SYTL2: variants seen among roughly 807,000 people sequenced by gnomAD.
SYTL2 encodes synaptotagmin like 2.
A neutral mutation model predicts 198.7 loss-of-function variants in SYTL2; 165 were observed. The observed-to-expected ratio is 0.83, with a 90% CI of 0.73 to 0.94. The LOEUF (loss-of-function observed/expected upper bound fraction) is 0.94, where lower values mean the gene tolerates loss of function less well. Among genes scored for constraint, SYTL2 ranks in the 40% least tolerant of loss-of-function variants. The probability of loss-of-function intolerance (pLI) is 0.00; values close to 1 mark genes in which losing one functional copy is unlikely to be tolerated. For missense variants in SYTL2, 2,835 were observed against 2,582.8 expected (o/e 1.10, Z -2.12); for synonymous variants, 966 against 917.7 (o/e 1.05, Z -0.95).
intron 15 of SYTL2, chr11:85,705,283 G>C (rs1591587483): frequency 6.3e-6 from 2 of 315,686 alleles, no homozygotes; most frequent in East Asian, 1.1e-4. Flanking sequence ...GTTGGTAATA[G>C]CTCTCTAACA....
intron 1 of SYTL2, among the ~76,000 whole-genome samples, chr11:85,764,668 C>A (rs1474020527): frequency 6.6e-6 from 1 of 152,178 alleles, no homozygotes; most frequent in Non-Finnish European, 1.5e-5. Context: ...CATCAGCCCT[C>A]AAGGCATGGC....
intron 1 of SYTL2, among the ~76,000 whole-genome samples, chr11:85,784,343 A>G (rs1178355943): frequency 6.6e-6 from 1 of 152,060 alleles, no homozygotes; most frequent in African/African-American, 2.4e-5. Context: ...GTATTCTCCC[A>G]TTAGGAAACC....
the SYTL2 span, chr11:85,854,139 G>A: frequency 1.3e-5 from 2 of 152,120 alleles, no homozygotes; most frequent in Non-Finnish European, 2.9e-5. Context: ...AGGCGTGAGG[G>A]ATTACAAGCA....
chr11:85,699,702 C>T (rs886772974), intron 17 of SYTL2, among the ~76,000 whole-genome samples: 2 of 152,124 alleles, frequency 1.3e-5, no homozygotes, highest in Non-Finnish European at 1.5e-5. Flanking sequence ...AGTTTACAAC[C>T]TCTGATTTCA....
At chr11:85,830,893 C>G in the SYTL2 span, among the ~76,000 whole-genome samples, 4 of 152,154 alleles carry the variant, frequency 2.6e-5, no homozygotes, top group Non-Finnish European at 5.9e-5. Context: ...AAAAAACTAC[C>G]TACATCCCAA....
Position 85,725,601 on chromosome 11 carries a change from T to C in SYTL2, c.3757A>G (p.Ile1253Val). Residue 1253 changes from isoleucine to valine, a missense_variant, in exon 8 of 20, where the codon ATA (isoleucine) becomes GTA (valine). By Grantham distance (29) the Ile-to-Val change is conservative. Coordinates refer to ENST00000359152, the MANE Select transcript of SYTL2 (RefSeq NM_206927.4). ...GCTGAAGTATTGTGACTCTGTTCTA[T>C]CCCTTTTCCAAAAAATCTCCCCTCT... is the stretch of plus-strand genomic sequence containing the variant. ...LEEGRFFGKG[I>V]EQSHNTSADK... 2.5e-6 allele frequency: 4 copies of C among 1,614,114 alleles called. No homozygotes were observed. Among genetic ancestry groups the C allele is most frequent in the Non-Finnish European group, 3.4e-6 (4 of 1,179,988 alleles).
Position 85,711,545 on chromosome 11 carries a change from A to G in SYTL2, c.5626-313T>C, listed in dbSNP as rs543525864. Among the ~76,000 whole-genome samples, 63 of 152,326 alleles carry G rather than the reference A, an allele frequency of 4.1e-4. 1 individual carries two copies. The South Asian group carries it at 0.012, about 29-fold the overall frequency. ...TTTCTTGCCAGTCTTTTAATATTAT[A>G]TATTTATTTGCCTGGGGAACTCTAT... On this transcript the variant is annotated intron_variant, in intron 12 of 19. Coordinates refer to ENST00000359152, the MANE Select transcript of SYTL2 (RefSeq NM_206927.4).
At position 85,700,425 on chromosome 11, in the gene SYTL2, AG is replaced by A. The variant is rs770906598; in HGVS notation, c.6268+89del. On this transcript the variant is annotated intron_variant, in intron 17 of 19. Coordinates refer to ENST00000359152, the MANE Select transcript of SYTL2 (RefSeq NM_206927.4). ...CGTTACTAACTTGATAAGTTTCTTTAGGGCCTCACCTTTGAAAACGCATAGT... is the reference window on the plus strand; with the variant it reads ...CGTTACTAACTTGATAAGTTTCTTTAGGCCTCACCTTTGAAAACGCATAGT... 9.0e-4 allele frequency: 872 copies of A among 971,468 alleles called. 1 individual carries two copies. The highest frequency in any genetic ancestry group is 1.2e-3 in the Non-Finnish European group (750 of 617,666). The allele number at this position is 971,468 out of a possible 1,614,324, so 60.2% of individuals were successfully genotyped here.
chr11:85,817,092 G>A, the SYTL2 span, among the ~76,000 whole-genome samples: 2 of 152,290 alleles, frequency 1.3e-5, no homozygotes, highest in African/African-American at 4.8e-5. Context: ...TCTGTGTAGT[G>A]ACTCTTACTA....
chr11:85,831,427 A>T, the SYTL2 span, among the ~76,000 whole-genome samples: 1 of 152,242 alleles, frequency 6.6e-6, no homozygotes, highest in Admixed American at 6.5e-5. Flanking sequence ...CTCAAAGAGA[A>T]AAACCCATCT....
chr11:85,727,732 G>C lies in SYTL2; in HGVS notation c.1626C>G (p.Pro542=). ...TTTTTTCTTTGGACTCTATTCCTCGGGGATGTTGGAGGAATGACTTATTGT... is the reference window on the plus strand; with the variant it reads ...TTTTTTCTTTGGACTCTATTCCTCGCGGATGTTGGAGGAATGACTTATTGT... ...SDDNKSFLQH[P]RGIESKEKTD... The change falls in exon 8 of 20, where the codon CCC becomes CCG. Residue 542 remains proline (P), a synonymous_variant. Coordinates refer to ENST00000359152, the MANE Select transcript of SYTL2 (RefSeq NM_206927.4). 3 of 1,552,024 alleles carry C rather than the reference G, an allele frequency of 1.9e-6. No individual in the cohort carries two copies. Among genetic ancestry groups the C allele is most frequent in the South Asian group, 2.4e-5 (2 of 84,208 alleles).
the SYTL2 span, among the ~76,000 whole-genome samples, chr11:85,844,025 A>G: frequency 6.6e-6 from 1 of 152,214 alleles, no homozygotes; most frequent in Non-Finnish European, 1.5e-5. Flanking sequence ...AGTCAGGGGC[A>G]TTCGATAGAA....
At chr11:85,730,675 A>T (rs1280678979) in intron 7 of SYTL2, among the ~76,000 whole-genome samples, 1 of 152,214 alleles carries the variant, frequency 6.6e-6, no homozygotes, top group Non-Finnish European at 1.5e-5. Context: ...TCTCTTTGAA[A>T]ACTGGCACAA....
At chr11:85,733,248 T>G (rs1265357447) in intron 7 of SYTL2, among the ~76,000 whole-genome samples, 1 of 152,220 alleles carries the variant, frequency 6.6e-6, no homozygotes, top group East Asian at 1.9e-4. Flanking sequence ...TTAATAAATT[T>G]GCATTAGGTG....
the SYTL2 span, among the ~76,000 whole-genome samples, chr11:85,817,860 C>T: frequency 7.9e-4 from 120 of 151,088 alleles, no homozygotes; most frequent in Middle Eastern, 3.4e-3. Flanking sequence ...GGGTTTTTAT[C>T]CCCTGTTTAT....
chr11:85,775,186 G>C (rs1312482174), intron 1 of SYTL2, among the ~76,000 whole-genome samples: 1 of 152,124 alleles, frequency 6.6e-6, no homozygotes, highest in African/African-American at 2.4e-5. Flanking sequence ...GAATAATTAG[G>C]AAAATAGGGT....
At chr11:85,785,357 G>T (rs554482672) in intron 1 of SYTL2, among the ~76,000 whole-genome samples, 60 of 152,294 alleles carry the variant, frequency 3.9e-4, no homozygotes, top group African/African-American at 1.4e-3. Context: ...AGCCAGAAAT[G>T]AACCCCCGTC....
In SYTL2 at chr11:85,745,632, C is replaced by CT; in HGVS notation, c.389+4dup. The CT allele has an allele frequency of 6.2e-7, 1 of 1,611,542 alleles. No homozygotes were observed. Among genetic ancestry groups the CT allele is most frequent in the Non-Finnish European group, 8.5e-7 (1 of 1,178,116 alleles). Reference sequence around the variant, plus strand: ...CAGCAGCTCTCCCCAGAAGCTTTGCCTTACCTCGGGCTTGCTGGTGCTGCA... The same window carrying CT: ...CAGCAGCTCTCCCCAGAAGCTTTGCCTTTACCTCGGGCTTGCTGGTGCTGCA... On this transcript the variant is annotated splice_donor_region_variant and intron_variant, in intron 4 of 19. Coordinates refer to ENST00000359152, the MANE Select transcript of SYTL2 (RefSeq NM_206927.4).
chr11:85,749,096 C>A (rs1477678979), intron 2 of SYTL2, among the ~76,000 whole-genome samples: 1 of 152,136 alleles, frequency 6.6e-6, no homozygotes, highest in African/African-American at 2.4e-5. Flanking sequence ...TTGTGCAGAT[C>A]CTGCATTTAA....
Sources: allele counts gnomAD v4.1 joint callset (sites outside exome capture counted in the v4.1 genomes callset), GRCh38; gene constraint gnomAD v4.1.1; transcripts MANE v1.5; gene names NCBI Gene and HGNC (gene_info 2026-07-23, HGNC 2026-07-21).